Variants in MRTFB observed in about 807,000 individuals in gnomAD.
The protein encoded by MRTFB is myocardin related transcription factor B, also known as myocardin-related transcription factor B.
Under a neutral mutation model 104.2 loss-of-function variants are expected in MRTFB, and 29 were observed. The observed-to-expected ratio is 0.28, with a 90% CI of 0.21 to 0.38. The LOEUF is 0.38. MRTFB is among the 10% of genes least tolerant of loss of function. The pLI, the probability that MRTFB is intolerant of heterozygous loss-of-function variation, is 1.00. For synonymous variants in MRTFB, 535 were observed against 519.5 expected (o/e 1.03, Z -0.41); for missense variants, 1,270 against 1,341.6 (o/e 0.95, Z 0.83).
chr16:14,226,818 T>TA, intron 8 of MRTFB, among the ~76,000 whole-genome samples: 1 of 151,656 alleles, frequency 6.6e-6, no homozygotes, highest in African/African-American at 2.4e-5. Flanking sequence ...CTACAAAAAA[T>TA]AAAAATTAAA....
At chr16:14,237,847 A>G (rs780179492) in intron 9 of MRTFB, among the ~76,000 whole-genome samples, 9 of 152,172 alleles carry the variant, frequency 5.9e-5, no homozygotes, top group Non-Finnish European at 1.3e-4. Context: ...GTGAAATACT[A>G]TAGGTTTGGA....
the MRTFB span, among the ~76,000 whole-genome samples, chr16:13,996,827 G>A: frequency 2.0e-5 from 3 of 152,266 alleles, no homozygotes; most frequent in East Asian, 1.9e-4. Flanking sequence ...GACAACCGAC[G>A]GCTCTCTGTA....
chr16:14,176,312 G>T (rs1597157249), intron 3 of MRTFB, among the ~76,000 whole-genome samples: 1 of 152,200 alleles, frequency 6.6e-6, no homozygotes, highest in East Asian at 1.9e-4. Flanking sequence ...ATGAGATACA[G>T]TTCCAGCTCG....
At chr16:14,180,648 G>C (rs1036871559) in intron 3 of MRTFB, among the ~76,000 whole-genome samples, 2 of 152,230 alleles carry the variant, frequency 1.3e-5, no homozygotes, top group South Asian at 2.1e-4. Context: ...CACGCAAGCT[G>C]TCCTCTGCCT....
Position 14,130,539 on chromosome 16 carries a change from A to C in MRTFB, c.-63-10005A>C, listed in dbSNP as rs367651458. ...TTTATATTCCTCTAATATGTGAGTT[A>C]TAGCCCAGACTTGCCAGTGGTGTAT... On this transcript the variant is annotated intron_variant, in intron 2 of 16. Coordinates refer to ENST00000571589, the MANE Select transcript of MRTFB (RefSeq NM_001308142.2). 3.0e-4 allele frequency among the ~76,000 whole-genome samples: 45 copies of C among 152,344 alleles called. 1 individual carries two copies. In the South Asian group the frequency reaches 8.5e-3, roughly 29 times the overall value.
chr16:14,261,019 C>G lies in MRTFB; in HGVS notation c.2875C>G (p.Gln959Glu), dbSNP rs750434909. ...VNTVVSRPPP[Q>E]VQMAPPVSLE... ...TACAGTGGTGTCCCGGCCACCACCC[C>G]AAGTCCAAATGGCACCACCTGTATC... Residue 959 changes from glutamine (Q) to glutamate (E), a missense_variant, in exon 17 of 17, where the codon CAA becomes GAA. Physicochemically the swap from Gln to Glu is conservative, Grantham distance 29. Transcript: ENST00000571589. The G allele has an allele frequency of 7.4e-6, 12 of 1,614,054 alleles. No homozygotes were observed. Among genetic ancestry groups the G allele is most frequent in the Non-Finnish European group, 1.0e-5 (12 of 1,180,036 alleles).
intron 9 of MRTFB, among the ~76,000 whole-genome samples, chr16:14,239,407 G>C (rs2042663560): frequency 6.6e-6 from 1 of 152,184 alleles, no homozygotes; most frequent in Admixed American, 6.5e-5. Context: ...TATGAATATA[G>C]ATAATGTGAT....
At chr16:14,176,558 G>C (rs1352186247) in intron 3 of MRTFB, among the ~76,000 whole-genome samples, 2 of 152,318 alleles carry the variant, frequency 1.3e-5, no homozygotes, top group East Asian at 3.9e-4. Flanking sequence ...ATTATATACA[G>C]TGAATGCCTT....
chr16:14,196,412 T>A (rs538450365), intron 3 of MRTFB, among the ~76,000 whole-genome samples: 1 of 152,352 alleles, frequency 6.6e-6, no homozygotes, highest in East Asian at 1.9e-4. Flanking sequence ...ATTGTGGGAC[T>A]TCCTTACAGG....
chr16:14,252,319 G>A (rs1455301212), intron 14 of MRTFB, 46 bp from the exon 15 acceptor site: 3 of 1,591,892 alleles, frequency 1.9e-6, no homozygotes, highest in Middle Eastern at 1.7e-4. Context: ...GAAAAGAGAG[G>A]TTTATTGCCA....
At chr16:14,146,625 A>T (rs2038331957) in intron 3 of MRTFB, among the ~76,000 whole-genome samples, 1 of 152,236 alleles carries the variant, frequency 6.6e-6, no homozygotes, top group Non-Finnish European at 1.5e-5. Flanking sequence ...TTGCCTAGCC[A>T]TGGAACCCAG....
chr16:14,087,745 A>G (rs1268561433), intron 2 of MRTFB, among the ~76,000 whole-genome samples: 1 of 152,140 alleles, frequency 6.6e-6, no homozygotes, highest in African/African-American at 2.4e-5. Context: ...GTGTGAAAGG[A>G]TATCCTCCTA....
At chr16:14,099,253 C>T (rs1168389378) in intron 2 of MRTFB, among the ~76,000 whole-genome samples, 1 of 151,850 alleles carries the variant, frequency 6.6e-6, no homozygotes, top group Non-Finnish European at 1.5e-5. Flanking sequence ...TTTCTCTAGG[C>T]AGTGTTTTTA....
intron 12 of MRTFB, chr16:14,248,653 A>C (rs1003768617): frequency 3.2e-4 from 110 of 340,346 alleles, no homozygotes; most frequent in South Asian, 4.8e-4. Flanking sequence ...TTAGGTTCTT[A>C]TTATTTCCAT....
chr16:14,162,373 A>G (rs1465426230), intron 3 of MRTFB, among the ~76,000 whole-genome samples: 1 of 151,946 alleles, frequency 6.6e-6, no homozygotes, highest in Non-Finnish European at 1.5e-5. Context: ...TTTTTTAATT[A>G]TATGACATTA....
intron 10 of MRTFB, among the ~76,000 whole-genome samples, chr16:14,243,877 T>TTTTTTTTTTTTTTTTTTTTTAA: frequency 6.8e-6 from 1 of 147,732 alleles, no homozygotes; most frequent in African/African-American, 2.6e-5. Flanking sequence ...TTTTTTTTTT[T>TTTTTTTTTTTTTTTTTTTTTAA]GAGACAGAGT....
the MRTFB span, among the ~76,000 whole-genome samples, chr16:14,007,343 CT>C: frequency 6.6e-6 from 1 of 152,146 alleles, no homozygotes; most frequent in Non-Finnish European, 1.5e-5. Flanking sequence ...AATCATGGAC[CT>C]TTGAATCTGA....
At chr16:14,104,850 A>G (rs2035889873) in intron 2 of MRTFB, among the ~76,000 whole-genome samples, 1 of 152,182 alleles carries the variant, frequency 6.6e-6, no homozygotes, top group African/African-American at 2.4e-5. Context: ...GATTGATCAT[A>G]TCTACATTTT....
chr16:14,183,443 T>C (rs1012783861), intron 3 of MRTFB, among the ~76,000 whole-genome samples: 1 of 152,230 alleles, frequency 6.6e-6, no homozygotes, highest in African/African-American at 2.4e-5. Flanking sequence ...TACAGGATAT[T>C]GTTGGGACAA....
Sources: allele counts gnomAD v4.1 joint callset (sites outside exome capture counted in the v4.1 genomes callset), GRCh38; gene constraint gnomAD v4.1.1; transcripts MANE v1.5; gene names NCBI Gene and HGNC (gene_info 2026-07-23, HGNC 2026-07-21).